The following DENND6B variants were observed in gnomAD, a reference collection of about 807,000 sequenced individuals.
The protein encoded by DENND6B is protein DENND6B.
A neutral mutation model predicts 85.1 loss-of-function variants in DENND6B; 73 were observed. The observed-to-expected ratio is 0.86, with a 90% CI of 0.71 to 1.04. The LOEUF is 1.04. Ranked by LOEUF, DENND6B falls within the 50% of genes least tolerant of loss-of-function variation. DENND6B has a pLI of 0.00. For missense variants in DENND6B, 715 were observed against 785.8 expected (o/e 0.91, Z 1.08); for synonymous variants, 357 against 329.3 (o/e 1.08, Z -0.91).
chr22:50,318,964 C>G lies in DENND6B; in HGVS notation c.216+1G>C. The G allele has an allele frequency of 1.2e-6, 2 of 1,607,224 alleles. No homozygotes were observed. Among genetic ancestry groups the G allele is most frequent in the South Asian group, 2.2e-5 (2 of 89,842 alleles). On this transcript the variant is annotated splice_donor_variant, in intron 2 of 19. Coordinates refer to ENST00000413817, the MANE Select transcript of DENND6B (RefSeq NM_001001794.4). LOFTEE classifies it high-confidence loss of function. Reference sequence around the variant, plus strand: ...CCATTCCCAAGAGGGCCGGGACTCACCTCCTTGTCTGTGAGCCGGAAGTCG... The same window carrying G: ...CCATTCCCAAGAGGGCCGGGACTCAGCTCCTTGTCTGTGAGCCGGAAGTCG...
chr22:50,319,927 C>T lies in DENND6B; in HGVS notation c.178-924G>A, dbSNP rs568434584. Among the ~76,000 whole-genome samples the T allele has an allele frequency of 3.2e-4, 49 of 152,340 alleles. 1 individual carries two copies. The South Asian group carries it at 5.0e-3, about 15-fold the overall frequency. ...CTGAATGACTTGGAAGACAGGTGTG[C>T]GCTGACAGAGGCGGCAGGTGGGGCA... is the stretch of plus-strand genomic sequence containing the variant. On this transcript the variant is annotated intron_variant, in intron 1 of 19. Coordinates refer to ENST00000413817, the MANE Select transcript of DENND6B (RefSeq NM_001001794.4).
chr22:50,314,151 G>A, intron 13 of DENND6B, 56 bp downstream of exon 13: 4 of 1,541,730 alleles, frequency 2.6e-6, no homozygotes, highest in Non-Finnish European at 3.5e-6. Flanking sequence ...AGACCCGCCA[G>A]GTACAAGACA....
intron 9 of DENND6B, 86 bp downstream of exon 9, chr22:50,315,628 A>C: frequency 7.4e-7 from 1 of 1,356,962 alleles, no homozygotes; most frequent in Non-Finnish European, 9.8e-7. Flanking sequence ...ACACATACTC[A>C]CACACAGATG....
At chr22:50,314,723 G>A (rs1337730509) in intron 10 of DENND6B, 23 bp from the exon 11 acceptor site, 1 of 1,568,842 alleles carries the variant, frequency 6.4e-7, no homozygotes, top group African/African-American at 1.4e-5. Context: ...GCAGCAGGGA[G>A]CAGGTGAGGC....
At chr22:50,320,119 C>G (rs942343885) in intron 1 of DENND6B, among the ~76,000 whole-genome samples, 8 of 152,246 alleles carry the variant, frequency 5.3e-5, no homozygotes, top group African/African-American at 1.9e-4. Context: ...CCCATCTGCC[C>G]AGCTTCTCCA....
In DENND6B at chr22:50,310,355, G is replaced by A. The variant is rs562966501; in HGVS notation, c.*1784C>T. On this transcript the variant is annotated 3_prime_UTR_variant, in exon 20 of 20. Coordinates refer to ENST00000413817, the MANE Select transcript of DENND6B (RefSeq NM_001001794.4). ...CATCTGGGGCTTAACAGCTCCCCTT[G>A]GTCACCCTCCCGGCTGCCTCCGCGT... 6.6e-6 allele frequency: 1 copy of A among 152,420 alleles called. No individual in the cohort carries two copies. The highest frequency in any genetic ancestry group is 2.1e-4 in the South Asian group (1 of 4,826). The allele number at this position is 152,420 out of a possible 1,614,324, so 9.4% of individuals were successfully genotyped here.
intron 12 of DENND6B, 44 bp from the exon 13 acceptor site, chr22:50,314,316 T>G (rs771795677): frequency 6.3e-7 from 1 of 1,599,950 alleles, no homozygotes; most frequent in Non-Finnish European, 8.5e-7. Context: ...CCCGCAGCTC[T>G]GGCCATCCCC....
In DENND6B at chr22:50,315,759, G is replaced by T. The variant is rs1157337371; in HGVS notation, c.713C>A (p.Pro238Gln). The change falls in exon 9 of 20, where the codon CCA becomes CAA. Residue 238 changes from proline (P) to glutamine (Q), a missense_variant. Transcript: ENST00000413817. ...GACGCTAGCAAGAACCACTGGGGCT[G>T]GCAGCAGGTTCTGAGAGGAGGAGAG... ...PKQFDQENLLPAPVVLASVHE... is the reference protein window; with the variant it reads ...PKQFDQENLLQAPVVLASVHE... The T allele has an allele frequency of 6.5e-7, 1 of 1,542,682 alleles. No homozygotes were observed.
rs561829791 is a variant in DENND6B at position 50,319,172 on chromosome 22, G to A, written c.178-169C>T. 3.4e-5 allele frequency: 51 copies of A among 1,522,176 alleles called. No individual in the cohort carries two copies. The East Asian group carries it at 3.7e-4, about 11-fold the overall frequency. The allele number at this position is 1,522,176 out of a possible 1,614,324, so 94.3% of individuals were successfully genotyped here. A position where few individuals can be genotyped will look rare whatever the true frequency, so the allele number is the denominator to read the frequency against. The stretch of plus-strand genomic sequence containing the variant: ...CCCCTGCTCCCTGTTCCAACAGCAC[G>A]CTGCATCCTCCCCACACCATATTCT... On this transcript the variant is annotated intron_variant, in intron 1 of 19. Transcript: ENST00000413817.
intron 1 of DENND6B, among the ~76,000 whole-genome samples, chr22:50,321,669 C>T (rs2042049189): frequency 6.6e-6 from 1 of 151,816 alleles, no homozygotes; most frequent in Admixed American, 6.6e-5. Flanking sequence ...GCCCTTCTAA[C>T]TCTCAAAAAT....
At chr22:50,313,302 T>G (rs997562005) in intron 16 of DENND6B, 144 bp downstream of exon 16, 28 of 1,255,160 alleles carry the variant, frequency 2.2e-5, no homozygotes, top group Middle Eastern at 4.1e-4. Flanking sequence ...ACCTGCCCTG[T>G]GGCCCCCAGT....
At position 50,314,945 on chromosome 22, in the gene DENND6B, G is replaced by T. The variant is rs774674902; in HGVS notation, c.759-24C>A. 1.9e-6 allele frequency: 3 copies of T among 1,606,246 alleles called. No homozygotes were observed. The South Asian group carries it at 3.3e-5, about 18-fold the overall frequency. On this transcript the variant is annotated intron_variant, in intron 9 of 19. Transcript: ENST00000413817. ...ACCTGGGGCCGGGCAGGAAGGTCGG[G>T]GAGGTCAGGCAGGGGCTGAGACTCC...
At chr22:50,315,222 G>A (rs1189047698) in intron 9 of DENND6B, 3 of 422,670 alleles carry the variant, frequency 7.1e-6, no homozygotes, top group South Asian at 4.7e-5. Flanking sequence ...GACCTGGGCT[G>A]GGGGGTACCC....
Position 50,312,429 on chromosome 22 carries a change from G to T in DENND6B, c.1561-12C>A. On this transcript the variant is annotated splice_polypyrimidine_tract_variant and intron_variant, in intron 18 of 19. Coordinates refer to ENST00000413817, the MANE Select transcript of DENND6B (RefSeq NM_001001794.4). ...CAGGTCTCGATGTTCTGCAGGGCAA[G>T]ACGGGGTCTACTGTCAGCAAGGCCC... 6.2e-7 allele frequency: 1 copy of T among 1,608,624 alleles called. No individual in the cohort carries two copies.
chr22:50,318,839 T>C lies in DENND6B; in HGVS notation c.259+8A>G. ...ATGTCCAGCCCCAGGAAAGGTGGGG[T>C]TGCCTACCTGAGTGCGAGTCGGGAA... On this transcript the variant is annotated splice_region_variant and intron_variant, in intron 3 of 19. Transcript: ENST00000413817. The C allele has an allele frequency of 6.2e-7, 1 of 1,612,974 alleles. No homozygotes were observed. Among genetic ancestry groups the C allele is most frequent in the Non-Finnish European group, 8.5e-7 (1 of 1,179,590 alleles).
Position 50,311,764 on chromosome 22 carries a change from G to GGAA in DENND6B, c.*372_*374dup. 4.0e-6 allele frequency: 1 copy of GGAA among 250,220 alleles called. No individual in the cohort carries two copies. Among genetic ancestry groups the GGAA allele is most frequent in the East Asian group, 9.9e-5 (1 of 10,114 alleles). The allele number at this position is 250,220 out of a possible 1,614,324, so 15.5% of individuals were successfully genotyped here. On this transcript the variant is annotated 3_prime_UTR_variant, in exon 20 of 20. Coordinates refer to ENST00000413817, the MANE Select transcript of DENND6B (RefSeq NM_001001794.4). ...GTCCTGGGCAGCCTGTTGGGCTGAG[G>GGAA]GAAGCATCACACACAGCGCAGGGGG...
At chr22:50,323,470 G>A (rs1024306214) in intron 1 of DENND6B, among the ~76,000 whole-genome samples, 2 of 151,556 alleles carry the variant, frequency 1.3e-5, no homozygotes, top group Non-Finnish European at 2.9e-5. Context: ...ATTTTTAGTA[G>A]AGACAGGGTT....
At chr22:50,314,071 G>A in intron 13 of DENND6B, 136 bp downstream of exon 13, 1 of 1,308,582 alleles carries the variant, frequency 7.6e-7, no homozygotes, top group Non-Finnish European at 1.0e-6. Context: ...CCCTCCCCAA[G>A]GGTTCTGAGC....
At chr22:50,314,338 G>A in intron 12 of DENND6B, 62 bp downstream of exon 12, 1 of 1,584,884 alleles carries the variant, frequency 6.3e-7, no homozygotes, top group Non-Finnish European at 8.6e-7. Flanking sequence ...CGGGCTCTGA[G>A]GCGGCCCCAC....
Sources: gnomAD v4.1 joint callset for allele counts (sites outside exome capture counted in the v4.1 genomes callset) on GRCh38, gnomAD v4.1.1 for gene constraint, MANE v1.5 for transcripts, NCBI Gene and HGNC (gene_info 2026-07-23, HGNC 2026-07-21) for gene names.